Variants in NTM observed in about 807,000 individuals in gnomAD.
NTM encodes neurotrimin.
NTM carries 13 observed loss-of-function variants against 42.1 expected under a neutral mutation model. The observed-to-expected ratio is 0.31, with a 90% CI of 0.20 to 0.49. NTM has a LOEUF of 0.49. NTM is among the 20% of genes least tolerant of loss of function. The pLI, the probability that NTM is intolerant of heterozygous loss-of-function variation, is 0.99. For synonymous variants in NTM, 187 were observed against 179.2 expected (o/e 1.04, Z -0.35); for missense variants, 373 against 452.8 (o/e 0.82, Z 1.60).
At chr11:131,821,690 C>T (rs116224010) in intron 1 of NTM, among the ~76,000 whole-genome samples, 8 of 152,294 alleles carry the variant, frequency 5.3e-5, no homozygotes, top group African/African-American at 1.9e-4. Context: ...GCATGCTTTG[C>T]TCTGCGTATG....
intron 1 of NTM, among the ~76,000 whole-genome samples, chr11:131,422,499 C>T (rs531328813): frequency 9.2e-5 from 14 of 152,274 alleles, no homozygotes; most frequent in East Asian, 3.9e-4. Flanking sequence ...AAATCAGAAG[C>T]GGCAAAGTCC....
intron 2 of NTM, among the ~76,000 whole-genome samples, chr11:132,080,757 G>T (rs1228540570): frequency 1.3e-5 from 2 of 152,096 alleles, no homozygotes; most frequent in African/African-American, 2.4e-5. Flanking sequence ...AATAGTTGCT[G>T]GTTTGGATTT....
chr11:132,275,329 CAAAAATCAATTGACTTTATAT>C (rs1218862481), intron 4 of NTM, among the ~76,000 whole-genome samples: 1 of 151,920 alleles, frequency 6.6e-6, no homozygotes, highest in Non-Finnish European at 1.5e-5. Context: ...GGTGACTTTT[CAAAAATCAATTGACTTTATAT>C]GTATGGGTAT....
At chr11:131,798,922 T>C (rs1425366764) in intron 1 of NTM, among the ~76,000 whole-genome samples, 2 of 152,178 alleles carry the variant, frequency 1.3e-5, no homozygotes, top group African/African-American at 4.8e-5. Context: ...ATCGCTATGG[T>C]CCATGACAGG....
intron 1 of NTM, among the ~76,000 whole-genome samples, chr11:131,439,666 A>T (rs989286136): frequency 2.0e-5 from 3 of 152,232 alleles, no homozygotes; most frequent in Non-Finnish European, 2.9e-5. Context: ...CCATTGGAAA[A>T]GTGCAGTATT....
chr11:131,739,495 G>A (rs141781659), intron 1 of NTM, among the ~76,000 whole-genome samples: 1 of 152,170 alleles, frequency 6.6e-6, no homozygotes, highest in African/African-American at 2.4e-5. Flanking sequence ...TCTCTTAGCT[G>A]CTTTCTGACC....
At chr11:132,001,086 T>C (rs999444049) in intron 2 of NTM, among the ~76,000 whole-genome samples, 1 of 152,066 alleles carries the variant, frequency 6.6e-6, no homozygotes, top group African/African-American at 2.4e-5. Context: ...CCAGGAAGCA[T>C]ATTGTGAGGA....
intron 3 of NTM, among the ~76,000 whole-genome samples, chr11:132,176,722 G>GTTTT (rs148699196): frequency 0.041 from 3,376 of 81,938 alleles, 514 homozygotes; most frequent in African/African-American, 0.062. Context: ...CATGCCTAAA[G>GTTTT]TTTTTTTTTT....
intron 1 of NTM, among the ~76,000 whole-genome samples, chr11:131,619,295 AG>A (rs889863501): frequency 6.6e-6 from 1 of 150,862 alleles, no homozygotes; most frequent in Admixed American, 6.6e-5. Flanking sequence ...ATAAAATAAT[AG>A]GGGGAGGCAG....
intron 4 of NTM, among the ~76,000 whole-genome samples, chr11:132,252,484 A>C (rs3133901): frequency 0.5 from 75,111 of 151,722 alleles, 19,135 homozygotes; most frequent in African/African-American, 0.6. Flanking sequence ...TGTGGGGCAT[A>C]TGGCAGCAGG....
chr11:132,207,879 C>T (rs185911541), intron 3 of NTM, among the ~76,000 whole-genome samples: 5 of 152,174 alleles, frequency 3.3e-5, no homozygotes, highest in Middle Eastern at 3.2e-3. Flanking sequence ...CTCCATAACA[C>T]GTGATTCACC....
rs546735295 is a variant in NTM at position 131,837,530 on chromosome 11, A to C, written c.83-74034A>C. On this transcript the variant is annotated intron_variant, in intron 1 of 8. Coordinates refer to ENST00000683400, the MANE Select transcript of NTM (RefSeq NM_001352005.2). ...GGTCCTCATTGAGAACCCCTTTTCT[A>C]CTTTGCGATTAACACAGTTTTTCTA... Among the ~76,000 whole-genome samples the C allele has an allele frequency of 3.9e-5, 6 of 152,228 alleles. No individual in the cohort carries two copies. In the South Asian group the frequency reaches 1.2e-3, roughly 32 times the overall value.
chr11:131,660,245 A>G (rs946369132), intron 1 of NTM: 15 of 340,836 alleles, frequency 4.4e-5, no homozygotes, highest in African/African-American at 8.6e-5. Flanking sequence ...TGACCCATTC[A>G]GGTGGTTGTT....
chr11:131,654,521 C>T (rs1489658900), intron 1 of NTM, among the ~76,000 whole-genome samples: 1 of 152,158 alleles, frequency 6.6e-6, no homozygotes, highest in Admixed American at 6.5e-5. Flanking sequence ...GTGTCATCAC[C>T]CAGTCATATA....
At chr11:131,383,442 G>A (rs1413068229) in intron 1 of NTM, among the ~76,000 whole-genome samples, 1 of 152,208 alleles carries the variant, frequency 6.6e-6, no homozygotes, top group Non-Finnish European at 1.5e-5. Flanking sequence ...AGGAAGATAT[G>A]TTAAAGCTGA....
At chr11:131,560,975 C>T (rs1269686349) in intron 1 of NTM, among the ~76,000 whole-genome samples, 1 of 152,188 alleles carries the variant, frequency 6.6e-6, no homozygotes, top group Non-Finnish European at 1.5e-5. Flanking sequence ...ACACATAGGG[C>T]AGCAAGATTC....
intron 1 of NTM, among the ~76,000 whole-genome samples, chr11:131,689,993 G>A (rs566945991): frequency 4.6e-5 from 7 of 152,230 alleles, no homozygotes; most frequent in Non-Finnish European, 8.8e-5. Context: ...TGACAGCAGA[G>A]AGGACATGAA....
intron 1 of NTM, among the ~76,000 whole-genome samples, chr11:131,446,993 A>G (rs577155718): frequency 6.6e-6 from 1 of 152,218 alleles, no homozygotes; most frequent in Non-Finnish European, 1.5e-5. Flanking sequence ...AAAGATAGAA[A>G]TGGAATATGC....
chr11:131,569,452 C>A (rs2057234917), intron 1 of NTM, among the ~76,000 whole-genome samples: 2 of 151,996 alleles, frequency 1.3e-5, no homozygotes. Flanking sequence ...GGCCCCTAAT[C>A]TGCTTTCTGT....
Sources: gnomAD v4.1 joint callset for allele counts (sites outside exome capture counted in the v4.1 genomes callset) on GRCh38, gnomAD v4.1.1 for gene constraint, MANE v1.5 for transcripts, NCBI Gene and HGNC (gene_info 2026-07-23, HGNC 2026-07-21) for gene names.